Variants in LINGO2 observed in about 807,000 individuals in gnomAD.
LINGO2 encodes the protein leucine rich repeat and Ig domain containing 2.
Under a neutral mutation model 30.6 loss-of-function variants are expected in LINGO2, and 14 were observed. That is an observed-to-expected ratio of 0.46 (90% CI 0.30 to 0.72). LINGO2 has a LOEUF of 0.72. Ranked by LOEUF, LINGO2 falls within the 30% of genes least tolerant of loss-of-function variation. The probability of loss-of-function intolerance (pLI) is 0.07; values close to 1 mark genes in which losing one functional copy is unlikely to be tolerated. For synonymous variants in LINGO2, 317 were observed against 288.5 expected (o/e 1.10, Z -1.00); for missense variants, 729 against 751.7 (o/e 0.97, Z 0.35).
At chr9:29,041,462 A>C in the LINGO2 span, among the ~76,000 whole-genome samples, 7 of 152,052 alleles carry the variant, frequency 4.6e-5, no homozygotes, top group African/African-American at 1.4e-4. Context: ...GAGAGTCAAG[A>C]CAGTGTGGTA....
At chr9:29,027,691 T>C in the LINGO2 span, among the ~76,000 whole-genome samples, 15 of 152,194 alleles carry the variant, frequency 9.9e-5, 1 homozygote, top group Admixed American at 9.2e-4. Context: ...ATTAGTCTAA[T>C]TGATTGTTCC....
chr9:28,704,497 T>C, the LINGO2 span, among the ~76,000 whole-genome samples: 5 of 152,090 alleles, frequency 3.3e-5, no homozygotes, highest in African/African-American at 9.7e-5. Flanking sequence ...TTCTGAGTCA[T>C]ATTGCTTCTA....
the LINGO2 span, among the ~76,000 whole-genome samples, chr9:29,122,158 A>G: frequency 1.5e-4 from 23 of 151,938 alleles, no homozygotes; most frequent in African/African-American, 5.3e-4. Flanking sequence ...AATTAAAAAT[A>G]TTCATTAGTT....
At chr9:28,538,657 G>T (rs1310389614) in intron 1 of LINGO2, among the ~76,000 whole-genome samples, 1 of 152,126 alleles carries the variant, frequency 6.6e-6, no homozygotes, top group Non-Finnish European at 1.5e-5. Flanking sequence ...GGCATGTGCT[G>T]AGGGCCTTCT....
chr9:28,180,078 T>A (rs1279169347), intron 4 of LINGO2, among the ~76,000 whole-genome samples: 2 of 152,144 alleles, frequency 1.3e-5, no homozygotes, highest in African/African-American at 4.8e-5. Flanking sequence ...CCACTCAATA[T>A]ATGACCTGGG....
chr9:28,342,967 A>G (rs940016582), intron 3 of LINGO2, among the ~76,000 whole-genome samples: 3 of 152,174 alleles, frequency 2.0e-5, no homozygotes, highest in African/African-American at 7.2e-5. Context: ...ATTCACTGGC[A>G]GCAAAAGCCT....
intron 1 of LINGO2, among the ~76,000 whole-genome samples, chr9:28,641,760 T>A (rs1827595790): frequency 6.6e-6 from 1 of 152,184 alleles, no homozygotes; most frequent in South Asian, 2.1e-4. Context: ...GACACAGTGA[T>A]GTGCAAAAGG....
intron 1 of LINGO2, among the ~76,000 whole-genome samples, chr9:28,507,963 A>C (rs1011064550): frequency 2.6e-5 from 4 of 152,110 alleles, no homozygotes; most frequent in Non-Finnish European, 4.4e-5. Context: ...AGCCTTTCTA[A>C]TAATATATTT....
the LINGO2 span, among the ~76,000 whole-genome samples, chr9:28,909,511 T>C: frequency 2.6e-5 from 4 of 152,102 alleles, no homozygotes; most frequent in Admixed American, 2.6e-4. Context: ...TGCCTACATT[T>C]GCAAAGAACA....
chr9:29,148,462 T>TG, the LINGO2 span, among the ~76,000 whole-genome samples: 2 of 152,166 alleles, frequency 1.3e-5, no homozygotes, highest in Non-Finnish European at 2.9e-5. Context: ...AGTTACACTT[T>TG]TGGTGTCTAT....
At chr9:29,145,338 T>A in the LINGO2 span, among the ~76,000 whole-genome samples, 1 of 152,200 alleles carries the variant, frequency 6.6e-6, no homozygotes. Flanking sequence ...CTGTCTATAT[T>A]TGAACAAGAA....
chr9:28,539,616 T>G (rs977946390), intron 1 of LINGO2, among the ~76,000 whole-genome samples: 2 of 152,168 alleles, frequency 1.3e-5, no homozygotes, highest in African/African-American at 2.4e-5. Context: ...GACTGCTAAA[T>G]TACAGGTACT....
At chr9:29,073,963 G>C in the LINGO2 span, among the ~76,000 whole-genome samples, 1 of 152,044 alleles carries the variant, frequency 6.6e-6, no homozygotes, top group Non-Finnish European at 1.5e-5. Flanking sequence ...CTACCATTCA[G>C]AAAAATACTC....
At chr9:29,190,583 A>G in the LINGO2 span, among the ~76,000 whole-genome samples, 1 of 152,216 alleles carries the variant, frequency 6.6e-6, no homozygotes, top group African/African-American at 2.4e-5. Flanking sequence ...TGCTAGATAA[A>G]TTAAAATAAA....
At chr9:29,175,715 C>CG in the LINGO2 span, among the ~76,000 whole-genome samples, 1 of 151,696 alleles carries the variant, frequency 6.6e-6, no homozygotes, top group African/African-American at 2.4e-5. Flanking sequence ...TTAGTAGAGA[C>CG]GGGGTTTCAC....
chr9:28,685,636 T>C, the LINGO2 span, among the ~76,000 whole-genome samples: 44 of 152,308 alleles, frequency 2.9e-4, no homozygotes, highest in South Asian at 1.2e-3. Context: ...GTTTTAGTCA[T>C]TTTGGAGTGG....
chr9:28,415,146 C>T (rs1018128686), intron 2 of LINGO2, among the ~76,000 whole-genome samples: 4 of 151,968 alleles, frequency 2.6e-5, no homozygotes, highest in African/African-American at 4.8e-5. Context: ...ACAAATTCTT[C>T]GACATGCATT....
At chr9:28,507,857 T>G (rs1236968624) in intron 1 of LINGO2, among the ~76,000 whole-genome samples, 1 of 152,064 alleles carries the variant, frequency 6.6e-6, no homozygotes, top group Non-Finnish European at 1.5e-5. Context: ...CTAGCATAAG[T>G]AGGTTTTGAT....
intron 2 of LINGO2, among the ~76,000 whole-genome samples, chr9:28,434,326 A>G (rs1823822803): frequency 8.3e-6 from 1 of 120,292 alleles, no homozygotes; most frequent in African/African-American, 2.7e-5. Context: ...AATTACTAAA[A>G]TAAAAAAAAT....
Sources: allele counts gnomAD v4.1 joint callset (sites outside exome capture counted in the v4.1 genomes callset), GRCh38; gene constraint gnomAD v4.1.1; transcripts MANE v1.5; gene names NCBI Gene and HGNC (gene_info 2026-07-23, HGNC 2026-07-21).